Variants in DUOX1 observed in about 807,000 individuals in gnomAD.
DUOX1 encodes the protein dual oxidase 1, also known as NADPH thyroid oxidase 1.
A neutral mutation model predicts 181.8 loss-of-function variants in DUOX1; 134 were observed. The ratio of observed to expected loss-of-function variants is 0.74; its 90% CI spans 0.64 to 0.85. The LOEUF is 0.85. Ranked by LOEUF, DUOX1 falls within the 40% of genes least tolerant of loss-of-function variation. The pLI is 0.00. For missense variants in DUOX1, 1,814 were observed against 2,064.4 expected (o/e 0.88, Z 2.35); for synonymous variants, 798 against 832.5 (o/e 0.96, Z 0.71).
At chr15:45,143,679 G>A (rs1342464344) in intron 16 of DUOX1, among the ~76,000 whole-genome samples, 1 of 151,888 alleles carries the variant, frequency 6.6e-6, no homozygotes, top group Non-Finnish European at 1.5e-5. Context: ...CCACCACTAT[G>A]GGCTATTGGG....
intron 29 of DUOX1, 120 bp from the exon 30 acceptor site, chr15:45,161,618 G>A (rs910480153): frequency 1.0e-5 from 9 of 881,498 alleles, no homozygotes; most frequent in African/African-American, 1.0e-4. Context: ...GCTTCTGATG[G>A]GGGAGGCCTC....
intron 28 of DUOX1, among the ~76,000 whole-genome samples, chr15:45,160,626 G>C (rs115401251): frequency 0.041 from 6,293 of 152,270 alleles, 466 homozygotes; most frequent in African/African-American, 0.14. Context: ...GGTGGTGTCA[G>C]GGATCTAGAA....
At position 45,152,141 on chromosome 15, in the gene DUOX1, T is replaced by C. The variant is rs1302511691; in HGVS notation, c.3193+89T>C. On this transcript the variant is annotated intron_variant, in intron 24 of 33. Transcript: ENST00000389037. The stretch of plus-strand genomic sequence containing the variant: ...TGGGGCCTGCGATAAGTGCCAGCCC[T>C]GGGTAGGGTAAGTGGAGCCTGTCTG... 8 of 1,519,974 alleles carry C rather than the reference T, an allele frequency of 5.3e-6. No individual in the cohort carries two copies. In the East Asian group the frequency reaches 1.7e-4, roughly 31 times the overall value. 94.2% of individuals were successfully genotyped at this position (1,519,974 alleles called of 1,614,324 possible).
chr15:45,155,553 G>C (rs552225676), intron 27 of DUOX1: 6 of 470,474 alleles, frequency 1.3e-5, no homozygotes, highest in South Asian at 2.3e-5. Flanking sequence ...CTGGGTAACA[G>C]AGCAAGACTC....
chr15:45,144,724 C>G (rs925585195), intron 17 of DUOX1, among the ~76,000 whole-genome samples, 171 bp from the exon 18 acceptor site: 1 of 152,254 alleles, frequency 6.6e-6, no homozygotes, highest in African/African-American at 2.4e-5. Flanking sequence ...AAACTCTGCA[C>G]CTATGAGCAA....
chr15:45,136,492 C>T (rs1321961583), intron 8 of DUOX1, 37 bp from the exon 9 acceptor site: 2 of 1,613,868 alleles, frequency 1.2e-6, no homozygotes, highest in South Asian at 1.1e-5. Context: ...GATTTTAGGG[C>T]TAAATTCTTC....
In DUOX1 at chr15:45,147,525, C is replaced by A. The variant is rs550380679; in HGVS notation, c.2415C>A (p.Ala805=). Residue 805 remains alanine, a synonymous_variant, in exon 19 of 34, where the codon GCC becomes GCA. Transcript: ENST00000389037. The part of the protein sequence containing the change: ...REALTCELSR[A]EFAESLGLKP... ...CCCTGACCTGTGAGCTGAGCAGGGC[C>A]GAGTTTGCCGAGTCCCTGGGCCTCA... The A allele has an allele frequency of 1.3e-5, 21 of 1,613,940 alleles. No individual in the cohort carries two copies. Among genetic ancestry groups the A allele is most frequent in the Non-Finnish European group, 1.7e-5 (20 of 1,179,988 alleles).
chr15:45,148,124 C>G, intron 20 of DUOX1, 127 bp downstream of exon 20: 2 of 1,422,198 alleles, frequency 1.4e-6, no homozygotes, highest in African/African-American at 2.8e-5. Flanking sequence ...TAACCAGAGG[C>G]TGTTCAAACT....
chr15:45,164,380 C>T (rs1230891702), intron 33 of DUOX1, among the ~76,000 whole-genome samples: 1 of 152,084 alleles, frequency 6.6e-6, no homozygotes, highest in Non-Finnish European at 1.5e-5. Context: ...TGATCTAGCA[C>T]TTAGCAAAAT....
At chr15:45,152,641 G>A (rs1567017980) in intron 25 of DUOX1, 125 bp downstream of exon 25, 1 of 982,116 alleles carries the variant, frequency 1.0e-6, no homozygotes, top group Non-Finnish European at 1.5e-6. Context: ...GGATGGAGTT[G>A]GCCTGGGCCA....
intron 18 of DUOX1, among the ~76,000 whole-genome samples, chr15:45,147,012 GA>G (rs1372121284): frequency 6.6e-6 from 1 of 152,192 alleles, no homozygotes; most frequent in Non-Finnish European, 1.5e-5. Flanking sequence ...TTGACTCTGA[GA>G]ATACAGAGAT....
chr15:45,148,049 C>A lies in DUOX1; in HGVS notation c.2642+52C>A, dbSNP rs374775630. 1.0e-4 allele frequency: 152 copies of A among 1,517,442 alleles called. No individual in the cohort carries two copies. The African/African-American group carries it at 1.9e-3, about 19-fold the overall frequency. The allele number at this position is 1,517,442 out of a possible 1,614,324, so 94.0% of individuals were successfully genotyped here. A position where few individuals can be genotyped will look rare whatever the true frequency, so the allele number is the denominator to read the frequency against. On this transcript the variant is annotated intron_variant, in intron 20 of 33. Transcript: ENST00000389037. ...ATGGGCCAGGGCAGGGATGCCAGGG[C>A]AAATAGATGGGACCTGAAGGAGAGA...
chr15:45,155,614 G>A (rs1414384057), intron 27 of DUOX1, 188 bp from the exon 28 acceptor site: 4 of 647,692 alleles, frequency 6.2e-6, no homozygotes, highest in East Asian at 3.1e-5. Flanking sequence ...GCTATGAAAA[G>A]TGAACAATGT....
At chr15:45,145,751 C>T (rs1216370780) in intron 18 of DUOX1, among the ~76,000 whole-genome samples, 2 of 152,028 alleles carry the variant, frequency 1.3e-5, no homozygotes, top group African/African-American at 2.4e-5. Context: ...CCCGTCTCTA[C>T]TAAAAATACA....
In DUOX1 at chr15:45,144,147, T is replaced by G. The variant is rs770875745; in HGVS notation, c.2048T>G (p.Leu683Arg). The part of the protein sequence containing the change: ...GRLTVLRTIQ[L>R]QPPQKVNFVL... ...CTCACCGTGCTCCGCACCATCCAGC[T>G]GCAGCCTCCACAGAAGGTCAACTTC... is the stretch of plus-strand genomic sequence containing the variant. The change falls in exon 17 of 34, where the codon CTG becomes CGG. Residue 683 changes from leucine to arginine, a missense_variant. Around this residue, in one of 5 missense-constraint regions of DUOX1, gnomAD observed 1,064 missense variants for 1,152.9 expected, o/e 0.92. Coordinates refer to ENST00000389037, the MANE Select transcript of DUOX1 (RefSeq NM_175940.3). The G allele has an allele frequency of 1.9e-6, 3 of 1,614,170 alleles. No individual in the cohort carries two copies. The highest frequency in any genetic ancestry group is 2.5e-6 in the Non-Finnish European group (3 of 1,180,056).
rs1463389153 is a variant in DUOX1, at chr15:45,164,761, T to G, written c.4534-18T>G. 1 of 1,614,070 alleles carries G rather than the reference T, an allele frequency of 6.2e-7. No individual in the cohort carries two copies. Among genetic ancestry groups the G allele is most frequent in the Non-Finnish European group, 8.5e-7 (1 of 1,180,004 alleles). The stretch of plus-strand genomic sequence containing the variant: ...CTCTGAGCAAAGAGTTAGCCTCCAC[T>G]TATTCCTCCTGCAACAGGTCCGGAA... On this transcript the variant is annotated intron_variant, in intron 33 of 33. Coordinates refer to ENST00000389037, the MANE Select transcript of DUOX1 (RefSeq NM_175940.3).
chr15:45,139,080 A>C lies in DUOX1; in HGVS notation c.1128A>C (p.Gln376His). ...AACCTATAAAGCACCCAAGCCTACAAAGTGCTGAAGATGTGGATGCACTGC... is the reference window on the plus strand; with the variant it reads ...AACCTATAAAGCACCCAAGCCTACACAGTGCTGAAGATGTGGATGCACTGC... ...SYWSREHPSL[Q>H]SAEDVDALLL... Residue 376 changes from glutamine to histidine, a missense_variant, in exon 11 of 34, where the codon CAA becomes CAC. Gln to His is a conservative substitution (Grantham distance 24). Coordinates refer to ENST00000389037, the MANE Select transcript of DUOX1 (RefSeq NM_175940.3). 2 of 1,613,996 alleles carry C rather than the reference A, an allele frequency of 1.2e-6. No homozygotes were observed. The highest frequency in any genetic ancestry group is 1.7e-6 in the Non-Finnish European group (2 of 1,179,942).
intron 10 of DUOX1, 62 bp downstream of exon 10, chr15:45,138,076 G>GTT: frequency 1.8e-6 from 2 of 1,097,664 alleles, no homozygotes; most frequent in Non-Finnish European, 1.3e-6. Context: ...GTGTGTGTGT[G>GTT]TATGTGTGTG....
In DUOX1 at chr15:45,155,868, G is replaced by A. The variant is rs1372412429; in HGVS notation, c.3641G>A (p.Arg1214His). ...TATGTCTTTGCCTCCCACCACTTCC[G>A]CCGCCGCAGTTTCCGGGGCTTCTGG... ...IMYVFASHHF[R>H]RRSFRGFWLT... Residue 1214 changes from arginine to histidine, a missense_variant, in exon 28 of 34, where the codon CGC (arginine) becomes CAC (histidine). Physicochemically the swap from Arg to His is conservative, Grantham distance 29. Around this residue, in one of 5 missense-constraint regions of DUOX1, gnomAD observed 279 missense variants for 381.9 expected, o/e 0.73. Coordinates refer to ENST00000389037, the MANE Select transcript of DUOX1 (RefSeq NM_175940.3). 6.2e-6 allele frequency: 10 copies of A among 1,613,954 alleles called. No individual in the cohort carries two copies. The highest frequency in any genetic ancestry group is 2.2e-5 in the East Asian group (1 of 44,886).
Sources: gnomAD v4.1 joint callset for allele counts (sites outside exome capture counted in the v4.1 genomes callset) on GRCh38, gnomAD v4.1.1 for gene constraint, gnomAD v4.1.1 regional missense constraint, MANE v1.5 for transcripts, NCBI Gene and HGNC (gene_info 2026-07-23, HGNC 2026-07-21) for gene names.